The following PCDH7 variants were observed in gnomAD, a reference collection of about 807,000 sequenced individuals.
The protein encoded by PCDH7 is protocadherin-7.
PCDH7 carries 17 observed loss-of-function variants against 58.9 expected under a neutral mutation model. The observed-to-expected ratio is 0.29, with a 90% CI of 0.20 to 0.43. PCDH7 has a LOEUF of 0.43. Among genes scored for constraint, PCDH7 ranks in the 20% least tolerant of loss-of-function variants. The pLI is 1.00. For missense variants in PCDH7, 1,274 were observed against 1,441.0 expected, an observed-to-expected ratio of 0.88 and a Z score of 1.88; for synonymous variants, 664 against 616.4, an observed-to-expected ratio of 1.08 and a Z score of -1.14.
chr4:30,936,589 AG>A (rs1745364906), intron 2 of PCDH7, among the ~76,000 whole-genome samples: 2 of 152,022 alleles, frequency 1.3e-5, no homozygotes, highest in African/African-American at 4.8e-5. Flanking sequence ...CCTATCTTTC[AG>A]GTAATTTCTC....
intron 3 of PCDH7, among the ~76,000 whole-genome samples, chr4:31,005,156 C>T (rs1333836832): frequency 6.6e-6 from 1 of 152,092 alleles, no homozygotes; most frequent in Admixed American, 6.6e-5. Flanking sequence ...AAGTGCTGGA[C>T]GAAAACAAAC....
At chr4:31,090,582 A>T (rs545204001) in intron 3 of PCDH7, among the ~76,000 whole-genome samples, 88 of 152,244 alleles carry the variant, frequency 5.8e-4, no homozygotes, top group African/African-American at 2.0e-3. Context: ...ATATACATGC[A>T]AACAAATATT....
intron 2 of PCDH7, among the ~76,000 whole-genome samples, chr4:30,943,788 AATTTTTTTTCCAGTGTGGCCC>A (rs1337468587): frequency 6.6e-6 from 1 of 151,450 alleles, no homozygotes; most frequent in African/African-American, 2.4e-5. Flanking sequence ...GGCCCAAGAC[AATTTTTTTTCCAGTGTGGCCC>A]AGGGAAGCCA....
intron 3 of PCDH7, among the ~76,000 whole-genome samples, chr4:31,026,817 T>A (rs902759127): frequency 6.6e-6 from 1 of 152,140 alleles, no homozygotes; most frequent in Admixed American, 6.5e-5. Flanking sequence ...TTTAAGAGCA[T>A]GGCCTAATGG....
chr4:30,832,994 A>G (rs1227112529), intron 1 of PCDH7, among the ~76,000 whole-genome samples: 1 of 152,176 alleles, frequency 6.6e-6, no homozygotes, highest in Non-Finnish European at 1.5e-5. Flanking sequence ...TTTGGAATCC[A>G]GTGTTAAAGT....
intron 1 of PCDH7, among the ~76,000 whole-genome samples, chr4:30,750,611 T>A (rs1256664081): frequency 2.0e-5 from 3 of 152,326 alleles, no homozygotes; most frequent in Admixed American, 6.5e-5. Context: ...AGAGATATTT[T>A]GTGTTTGCTC....
At chr4:30,798,696 T>A (rs1327051336) in intron 1 of PCDH7, among the ~76,000 whole-genome samples, 1 of 152,220 alleles carries the variant, frequency 6.6e-6, no homozygotes, top group Admixed American at 6.5e-5. Context: ...GGTGTTAAGC[T>A]AGGTTCTTAA....
intron 3 of PCDH7, among the ~76,000 whole-genome samples, chr4:31,090,762 T>G (rs761536540): frequency 1.3e-5 from 2 of 152,098 alleles, no homozygotes; most frequent in African/African-American, 4.8e-5. Flanking sequence ...AGAAGCATAG[T>G]ATTTTTTAAA....
chr4:30,998,238 T>C (rs759242487), intron 3 of PCDH7, among the ~76,000 whole-genome samples: 18 of 152,148 alleles, frequency 1.2e-4, no homozygotes, highest in Non-Finnish European at 1.8e-4. Context: ...CAGTAGATCA[T>C]GGTAGATGAA....
chr4:31,082,685 A>G (rs1486812918), intron 3 of PCDH7, among the ~76,000 whole-genome samples: 3 of 152,138 alleles, frequency 2.0e-5, no homozygotes, highest in Non-Finnish European at 4.4e-5. Context: ...GTGAAAAACC[A>G]AAACCTGTAT....
intron 1 of PCDH7, among the ~76,000 whole-genome samples, chr4:30,788,286 T>C (rs1560370785): frequency 6.6e-6 from 1 of 152,130 alleles, no homozygotes; most frequent in Non-Finnish European, 1.5e-5. Context: ...CAGACTGACA[T>C]GTTTTTGTGT....
intron 1 of PCDH7, among the ~76,000 whole-genome samples, chr4:30,911,207 T>C (rs1243074988): frequency 6.6e-6 from 1 of 151,774 alleles, no homozygotes; most frequent in African/African-American, 2.4e-5. Context: ...ATACCTAATG[T>C]AGGTGATGGG....
At chr4:31,044,689 G>A (rs554629951) in intron 3 of PCDH7, among the ~76,000 whole-genome samples, 1 of 152,018 alleles carries the variant, frequency 6.6e-6, no homozygotes, top group Non-Finnish European at 1.5e-5. Flanking sequence ...AAAAATGTGA[G>A]TGTTGTTAGT....
At chr4:30,894,480 AAAAAAAAAAAATATATATATATAT>A (rs1412787305) in intron 1 of PCDH7, among the ~76,000 whole-genome samples, 1 of 55,260 alleles carries the variant, frequency 1.8e-5, no homozygotes, top group Non-Finnish European at 3.5e-5. Context: ...AAAAAAAAAA[AAAAAAAAAAAATATATATATATAT>A]ATATATATAT....
intron 3 of PCDH7, among the ~76,000 whole-genome samples, chr4:31,048,066 A>G (rs1041296608): frequency 6.6e-6 from 1 of 152,118 alleles, no homozygotes; most frequent in Non-Finnish European, 1.5e-5. Flanking sequence ...TTGTTAGAAT[A>G]TTAGTTCCAT....
intron 3 of PCDH7, among the ~76,000 whole-genome samples, chr4:31,071,291 A>G (rs1186414589): frequency 1.3e-5 from 2 of 151,992 alleles, no homozygotes; most frequent in Non-Finnish European, 2.9e-5. Flanking sequence ...GTACAGCTAT[A>G]TTTTTGTCAT....
chr4:30,924,401 A>G (rs771548316), intron 2 of PCDH7, among the ~76,000 whole-genome samples: 1 of 152,156 alleles, frequency 6.6e-6, no homozygotes, highest in Admixed American at 6.6e-5. Flanking sequence ...TTTTTCTTGT[A>G]TCTTTTATGC....
chr4:31,137,320 C>T (rs919213196), intron 3 of PCDH7, among the ~76,000 whole-genome samples: 6 of 152,242 alleles, frequency 3.9e-5, no homozygotes, highest in Admixed American at 3.3e-4. Flanking sequence ...CAGAGGCTCA[C>T]GCCTGTAATC....
exon 2 of PCDH7, chr4:30,731,577 A>T (rs1715509776): frequency 6.6e-6 from 1 of 152,162 alleles, no homozygotes; most frequent in Admixed American, 6.5e-5. Flanking sequence ...CATTTGCTAA[A>T]GTCACTGTAG....
Sources: allele counts gnomAD v4.1 joint callset (sites outside exome capture counted in the v4.1 genomes callset), GRCh38; gene constraint gnomAD v4.1.1; transcripts MANE v1.5; gene names NCBI Gene and HGNC (gene_info 2026-07-23, HGNC 2026-07-21).